The following KCNMA1 variants were observed in gnomAD, a reference collection of about 807,000 sequenced individuals.
KCNMA1 encodes Calcium-activated potassium channel subunit alpha-1.
Under a neutral mutation model 140.0 loss-of-function variants are expected in KCNMA1, and 29 were observed. The ratio of observed to expected loss-of-function variants is 0.21; its 90% CI spans 0.15 to 0.28. The LOEUF (loss-of-function observed/expected upper bound fraction) is 0.28, where lower values mean the gene tolerates loss of function less well. KCNMA1 is among the 10% of genes least tolerant of loss of function. The probability of loss-of-function intolerance (pLI) is 1.00; values close to 1 mark genes in which losing one functional copy is unlikely to be tolerated. For missense variants in KCNMA1, 880 were observed against 1,602.2 expected (o/e 0.55, Z 7.70); for synonymous variants, 612 against 611.9 (o/e 1.00, Z 0.00).
At chr10:77,279,986 C>T (rs902665487) in intron 2 of KCNMA1, among the ~76,000 whole-genome samples, 5 of 152,264 alleles carry the variant, frequency 3.3e-5, no homozygotes, top group Admixed American at 2.6e-4. Context: ...AGCAAGAAAA[C>T]AGACTAACAC....
chr10:77,099,646 G>A (rs919172282), intron 9 of KCNMA1, among the ~76,000 whole-genome samples: 30 of 151,626 alleles, frequency 2.0e-4, no homozygotes, highest in Admixed American at 1.9e-3. Context: ...TCTGGGAGGT[G>A]GAGGTTGTGG....
intron 3 of KCNMA1, among the ~76,000 whole-genome samples, chr10:77,230,890 A>G (rs1035128591): frequency 2.0e-5 from 3 of 152,152 alleles, no homozygotes; most frequent in African/African-American, 7.2e-5. Flanking sequence ...TCTGTCTTCA[A>G]GGGAAGTCCA....
At chr10:77,123,453 G>A (rs985285857) in intron 5 of KCNMA1, among the ~76,000 whole-genome samples, 2 of 152,310 alleles carry the variant, frequency 1.3e-5, no homozygotes, top group South Asian at 2.1e-4. Flanking sequence ...ATTTATAACA[G>A]ACTCTACTGC....
intron 1 of KCNMA1, among the ~76,000 whole-genome samples, chr10:77,502,793 G>T (rs1456119631): frequency 6.6e-6 from 1 of 152,144 alleles, no homozygotes; most frequent in East Asian, 1.9e-4. Context: ...CTCCTAGGTT[G>T]GTGTGAGGAT....
intron 5 of KCNMA1, among the ~76,000 whole-genome samples, chr10:77,143,629 T>G (rs906360349): frequency 1.3e-5 from 2 of 152,190 alleles, no homozygotes; most frequent in Non-Finnish European, 2.9e-5. Context: ...AAGCTAAATC[T>G]GAAGCCTCTA....
At chr10:77,533,572 C>A (rs1338461792) in intron 1 of KCNMA1, among the ~76,000 whole-genome samples, 1 of 152,150 alleles carries the variant, frequency 6.6e-6, no homozygotes, top group Non-Finnish European at 1.5e-5. Context: ...CGCATCCCAC[C>A]ACTCTTCCCC....
intron 1 of KCNMA1, among the ~76,000 whole-genome samples, chr10:77,614,454 C>T (rs957432508): frequency 6.6e-6 from 1 of 152,176 alleles, no homozygotes; most frequent in African/African-American, 2.4e-5. Context: ...CGGAATTCTC[C>T]GGGGCTCATC....
intron 3 of KCNMA1, among the ~76,000 whole-genome samples, chr10:77,241,769 T>C (rs150254280): frequency 6.6e-6 from 1 of 152,170 alleles, no homozygotes; most frequent in Admixed American, 6.5e-5. Flanking sequence ...GCTATGATCA[T>C]GTCAGTACAC....
chr10:77,240,972 G>A (rs2057120407), intron 3 of KCNMA1, among the ~76,000 whole-genome samples: 1 of 152,238 alleles, frequency 6.6e-6, no homozygotes, highest in African/African-American at 2.4e-5. Context: ...CGGGAGAAAA[G>A]CAAGACTATT....
chr10:77,161,361 C>T (rs1378589791), intron 5 of KCNMA1, among the ~76,000 whole-genome samples: 1 of 152,126 alleles, frequency 6.6e-6, no homozygotes, highest in Non-Finnish European at 1.5e-5. Context: ...GATCCTCCTG[C>T]CTCAGCTTCC....
intron 20 of KCNMA1, among the ~76,000 whole-genome samples, chr10:76,964,634 G>A (rs1021203034): frequency 5.9e-5 from 9 of 152,158 alleles, no homozygotes; most frequent in Non-Finnish European, 1.2e-4. Flanking sequence ...CCCAGTGGAA[G>A]GAATTGTGAG....
At chr10:76,895,794 G>A (rs2042237823) in intron 25 of KCNMA1, among the ~76,000 whole-genome samples, 1 of 152,122 alleles carries the variant, frequency 6.6e-6, no homozygotes. Context: ...CTGGGTGTCT[G>A]GGGGAGACAT....
chr10:77,328,965 C>T (rs1009927552), intron 2 of KCNMA1, among the ~76,000 whole-genome samples: 20 of 151,964 alleles, frequency 1.3e-4, no homozygotes, highest in Non-Finnish European at 2.4e-4. Flanking sequence ...CTCAGCCTCC[C>T]GAGTAGCTGG....
At chr10:77,055,269 C>A (rs1247372001) in intron 14 of KCNMA1, among the ~76,000 whole-genome samples, 3 of 152,068 alleles carry the variant, frequency 2.0e-5, no homozygotes, top group Admixed American at 6.6e-5. Context: ...TTAGAAATAC[C>A]ACCAAATCAG....
At chr10:77,125,162 T>C (rs567424699) in intron 5 of KCNMA1, among the ~76,000 whole-genome samples, 1 of 152,242 alleles carries the variant, frequency 6.6e-6, no homozygotes, top group Non-Finnish European at 1.5e-5. Context: ...GAGATTTGGG[T>C]AGGGACACAG....
At chr10:77,345,435 T>C (rs949211151) in intron 2 of KCNMA1, among the ~76,000 whole-genome samples, 2 of 152,064 alleles carry the variant, frequency 1.3e-5, no homozygotes, top group East Asian at 3.9e-4. Flanking sequence ...AAACCAAAGA[T>C]CAGGAGGAGA....
At chr10:77,197,435 T>C (rs1450157870) in intron 3 of KCNMA1, among the ~76,000 whole-genome samples, 1 of 152,196 alleles carries the variant, frequency 6.6e-6, no homozygotes, top group Non-Finnish European at 1.5e-5. Flanking sequence ...TTATTTGTCA[T>C]TAGTCTTTGC....
chr10:76,997,107 G>C (rs915223327), intron 19 of KCNMA1, among the ~76,000 whole-genome samples: 2 of 152,060 alleles, frequency 1.3e-5, no homozygotes, highest in Non-Finnish European at 2.9e-5. Flanking sequence ...TTCTCTGTCT[G>C]CACAAACCAA....
intron 3 of KCNMA1, among the ~76,000 whole-genome samples, chr10:77,197,813 C>CA (rs1249543462): frequency 6.6e-6 from 1 of 152,146 alleles, no homozygotes; most frequent in African/African-American, 2.4e-5. Context: ...AAAGAGTCTG[C>CA]AGTGCGGCTC....
Sources: allele counts gnomAD v4.1 joint callset (sites outside exome capture counted in the v4.1 genomes callset), GRCh38; gene constraint gnomAD v4.1.1; transcripts MANE v1.5; gene names NCBI Gene and HGNC (gene_info 2026-07-23, HGNC 2026-07-21).